The following KATNIP variants were observed in gnomAD, a reference collection of about 807,000 sequenced individuals.
KATNIP encodes the protein katanin-interacting protein.
In KATNIP, 126 loss-of-function variants were observed where a neutral mutation model predicts 174.0. The ratio of observed to expected loss-of-function variants is 0.72; its 90% CI spans 0.63 to 0.84. The LOEUF is 0.84. KATNIP is among the 40% of genes least tolerant of loss of function. The probability of loss-of-function intolerance (pLI) is 0.00; values close to 1 mark genes in which losing one functional copy is unlikely to be tolerated. For synonymous variants in KATNIP, 810 were observed against 835.7 expected (o/e 0.97, Z 0.53); for missense variants, 1,958 against 2,109.7 (o/e 0.93, Z 1.41).
chr16:27,605,105 T>A (rs79880970), intron 2 of KATNIP, among the ~76,000 whole-genome samples: 1 of 151,662 alleles, frequency 6.6e-6, no homozygotes, highest in Non-Finnish European at 1.5e-5. Flanking sequence ...ATTTTTTATA[T>A]TTTTTTTAGT....
At chr16:27,552,873 T>C (rs1261904520) in intron 1 of KATNIP, among the ~76,000 whole-genome samples, 1 of 152,034 alleles carries the variant, frequency 6.6e-6, no homozygotes, top group Admixed American at 6.6e-5. Context: ...TTTGTACTTT[T>C]AGTAGAGATG....
chr16:27,563,854 A>C (rs564788907), intron 1 of KATNIP, among the ~76,000 whole-genome samples: 27 of 142,968 alleles, frequency 1.9e-4, no homozygotes, highest in Admixed American at 1.9e-3. Flanking sequence ...GTTCGAGACC[A>C]GCTAGGCAAC....
In KATNIP at chr16:27,594,732, T is replaced by A. The variant is rs57935449; in HGVS notation, c.63+20776T>A. Among the ~76,000 whole-genome samples, 381 of 152,226 alleles carry A rather than the reference T, an allele frequency of 2.5e-3. 2 individuals carry two copies. Among genetic ancestry groups the A allele is most frequent in the African/African-American group, 8.7e-3 (362 of 41,546 alleles). On this transcript the variant is annotated intron_variant, in intron 2 of 27. Coordinates refer to ENST00000261588, the MANE Select transcript of KATNIP (RefSeq NM_015202.5). ...CTGCCCAAAGTGCTGGGATTACAGG[T>A]GTGAGACCGTGCCTGTCCAAAGCTA...
intron 1 of KATNIP, among the ~76,000 whole-genome samples, chr16:27,561,460 T>G (rs2089880983): frequency 6.6e-6 from 1 of 152,026 alleles, no homozygotes; most frequent in Admixed American, 6.6e-5. Flanking sequence ...CCTGGCCCAA[T>G]TTCGTTTCCT....
At chr16:27,585,531 A>G (rs1301356456) in intron 2 of KATNIP, among the ~76,000 whole-genome samples, 3 of 152,204 alleles carry the variant, frequency 2.0e-5, no homozygotes, top group Non-Finnish European at 2.9e-5. Flanking sequence ...TCAGTGTCCA[A>G]CAGACACACG....
chr16:27,754,136 C>T, intron 17 of KATNIP, 37 bp from the exon 18 acceptor site: 2 of 1,574,124 alleles, frequency 1.3e-6, no homozygotes, highest in Non-Finnish European at 1.7e-6. Context: ...TCACTAAAAC[C>T]ACCCCCTTTT....
Position 27,721,038 on chromosome 16 carries a change from C to T in KATNIP, c.1606-520C>T, listed in dbSNP as rs1267596635. On this transcript the variant is annotated intron_variant, in intron 13 of 27. Transcript: ENST00000261588. The stretch of plus-strand genomic sequence containing the variant: ...AACTGAAGCCTCCAAGCTTGGAAAC[C>T]CTGAAAGGAACAGAATAAATCCCAG... 2.6e-5 allele frequency among the ~76,000 whole-genome samples: 4 copies of T among 152,306 alleles called. No homozygotes were observed. In the East Asian group the frequency reaches 5.8e-4, roughly 22 times the overall value.
At chr16:27,728,794 C>A (rs1192868603) in intron 14 of KATNIP, among the ~76,000 whole-genome samples, 1 of 152,208 alleles carries the variant, frequency 6.6e-6, no homozygotes, top group East Asian at 1.9e-4. Context: ...GGCTCTACTC[C>A]TAAAGAGAAT....
chr16:27,712,499 C>T (rs138040928), intron 13 of KATNIP, among the ~76,000 whole-genome samples: 37 of 152,258 alleles, frequency 2.4e-4, no homozygotes, highest in African/African-American at 8.4e-4. Context: ...CCAGGCCATG[C>T]GCATGGCTGA....
chr16:27,740,978 A>G (rs2081087403), intron 15 of KATNIP, 58 bp downstream of exon 15: 1 of 1,418,512 alleles, frequency 7.0e-7, no homozygotes, highest in South Asian at 1.3e-5. Flanking sequence ...TCTAATTGGC[A>G]TGAAGCCAGT....
chr16:27,619,752 G>A (rs1267334926), intron 3 of KATNIP, among the ~76,000 whole-genome samples: 1 of 152,072 alleles, frequency 6.6e-6, no homozygotes, highest in East Asian at 1.9e-4. Context: ...ACCACCCCTG[G>A]TAGAGATCTT....
intron 6 of KATNIP, among the ~76,000 whole-genome samples, chr16:27,671,846 G>A (rs191440973): frequency 4.6e-5 from 7 of 151,958 alleles, no homozygotes; most frequent in Admixed American, 1.3e-4. Context: ...ACCTGAAGTC[G>A]GGAGTTCAAG....
intron 1 of KATNIP, among the ~76,000 whole-genome samples, chr16:27,557,177 T>C (rs1379903611): frequency 6.6e-6 from 1 of 151,846 alleles, no homozygotes; most frequent in African/African-American, 2.4e-5. Flanking sequence ...AGTCTCACTT[T>C]GTAGCCCAGG....
chr16:27,773,664 T>C (rs1036737976), intron 23 of KATNIP, among the ~76,000 whole-genome samples: 2 of 152,158 alleles, frequency 1.3e-5, no homozygotes, highest in African/African-American at 2.4e-5. Flanking sequence ...AATGAGTTGC[T>C]AATATTTTTA....
intron 18 of KATNIP, chr16:27,755,175 T>A (rs2081670327): frequency 6.6e-6 from 1 of 152,196 alleles, no homozygotes; most frequent in Admixed American, 6.6e-5. Context: ...ACTGTCAGGA[T>A]CCCCTCCCCA....
intron 6 of KATNIP, among the ~76,000 whole-genome samples, chr16:27,658,609 G>A (rs377350894): frequency 9.2e-5 from 14 of 152,292 alleles, no homozygotes; most frequent in African/African-American, 3.4e-4. Context: ...CAGGATGGAA[G>A]GTGGGGTCTG....
At chr16:27,615,790 C>G (rs891018822) in intron 2 of KATNIP, among the ~76,000 whole-genome samples, 1 of 152,130 alleles carries the variant, frequency 6.6e-6, no homozygotes, top group East Asian at 1.9e-4. Context: ...GAGAGAAGAC[C>G]TATTGCATTA....
intron 17 of KATNIP, among the ~76,000 whole-genome samples, chr16:27,753,752 TCCTTC>T (rs980702453): frequency 4.9e-5 from 7 of 142,884 alleles, no homozygotes; most frequent in Non-Finnish European, 1.1e-4. Flanking sequence ...CCTCCCTCCT[TCCTTC>T]TTTTCCTCCT....
intron 19 of KATNIP, among the ~76,000 whole-genome samples, chr16:27,761,853 C>T (rs942916104): frequency 6.6e-6 from 1 of 152,202 alleles, no homozygotes. Context: ...CAGACACAGC[C>T]ATGGTCTGCA....
Sources: gnomAD v4.1 joint callset for allele counts (sites outside exome capture counted in the v4.1 genomes callset) on GRCh38, gnomAD v4.1.1 for gene constraint, MANE v1.5 for transcripts, NCBI Gene and HGNC (gene_info 2026-07-23, HGNC 2026-07-21) for gene names.